ZNF148: variants seen among roughly 807,000 people sequenced by gnomAD.
ZNF148 encodes Beta-Enolase Repressor Factor-1.
Under a neutral mutation model 67.7 loss-of-function variants are expected in ZNF148, and 7 were observed. The ratio of observed to expected loss-of-function variants is 0.10; its 90% confidence interval spans 0.06 to 0.19. ZNF148 has a LOEUF of 0.19. ZNF148 is among the 10% of genes least tolerant of loss of function. The probability of loss-of-function intolerance (pLI) is 1.00; values close to 1 mark genes in which losing one functional copy is unlikely to be tolerated. For synonymous variants in ZNF148, 333 were observed against 330.7 expected, an observed-to-expected ratio of 1.01 and a Z score of -0.08; for missense variants, 583 against 947.1, an observed-to-expected ratio of 0.62 and a Z score of 5.05.
At chr3:125,310,073 A>ATTT (rs3030721) in intron 4 of ZNF148, among the ~76,000 whole-genome samples, 1 of 137,402 alleles carries the variant, frequency 7.3e-6, no homozygotes. Flanking sequence ...GGTTCAAAGA[A>ATTT]TTTTTTTTTT....
chr3:125,356,819 G>A (rs977058504), intron 1 of ZNF148, among the ~76,000 whole-genome samples: 2 of 152,134 alleles, frequency 1.3e-5, no homozygotes, highest in African/African-American at 2.4e-5. Flanking sequence ...ACAAAGTCTG[G>A]AGAGCAAAAG....
At chr3:125,250,521 T>C (rs987614756) in intron 7 of ZNF148, among the ~76,000 whole-genome samples, 3 of 152,194 alleles carry the variant, frequency 2.0e-5, no homozygotes, top group Non-Finnish European at 4.4e-5. Flanking sequence ...ATCTGTAACT[T>C]ACCTGTAAGA....
At chr3:125,341,999 C>A (rs6804933) in intron 1 of ZNF148, among the ~76,000 whole-genome samples, 110,553 of 138,702 alleles carry the variant, frequency 0.8, 43,028 homozygotes, top group African/African-American at 0.86. Flanking sequence ...TGTTTCGGGG[C>A]GGGGGGGGGA....
intron 7 of ZNF148, among the ~76,000 whole-genome samples, chr3:125,276,559 G>A (rs556335647): frequency 7.2e-5 from 11 of 151,994 alleles, no homozygotes; most frequent in Admixed American, 2.0e-4. Context: ...TCAGCCTCCC[G>A]AGTAGCTGGG....
chr3:125,240,436 A>AT (rs1326814672), intron 7 of ZNF148, among the ~76,000 whole-genome samples: 2 of 152,204 alleles, frequency 1.3e-5, no homozygotes, highest in Non-Finnish European at 2.9e-5. Context: ...TTAACAGTTT[A>AT]TTTAACTAAA....
At chr3:125,305,189 T>A (rs1454229290) in intron 4 of ZNF148, among the ~76,000 whole-genome samples, 2 of 152,142 alleles carry the variant, frequency 1.3e-5, no homozygotes, top group South Asian at 2.1e-4. Flanking sequence ...CAAATAAAAC[T>A]CAGGTGCTGC....
intron 5 of ZNF148, among the ~76,000 whole-genome samples, chr3:125,280,759 A>C (rs1460631838): frequency 5.8e-5 from 2 of 34,344 alleles, no homozygotes; most frequent in Admixed American, 2.6e-4. Flanking sequence ...TGACGAAAGC[A>C]AAAAAAAAAA....
intron 7 of ZNF148, among the ~76,000 whole-genome samples, chr3:125,251,594 T>C (rs894078565): frequency 6.6e-6 from 1 of 152,190 alleles, no homozygotes; most frequent in Non-Finnish European, 1.5e-5. Context: ...AATTATATAG[T>C]ATATATTCTT....
intron 1 of ZNF148, chr3:125,344,518 A>G: frequency 8.8e-7 from 1 of 1,136,324 alleles, no homozygotes; most frequent in African/African-American, 1.5e-5. Flanking sequence ...TGGGTTACAA[A>G]ATGTGAAGCC....
At chr3:125,241,727 T>C (rs1936373405) in intron 7 of ZNF148, among the ~76,000 whole-genome samples, 1 of 152,240 alleles carries the variant, frequency 6.6e-6, no homozygotes, top group African/African-American at 2.4e-5. Flanking sequence ...CTTGTAAATG[T>C]ATTAATTCAC....
intron 1 of ZNF148, among the ~76,000 whole-genome samples, chr3:125,370,408 A>G (rs1005181922): frequency 3.3e-5 from 5 of 152,228 alleles, no homozygotes; most frequent in African/African-American, 1.2e-4. Context: ...ACTACTTTCT[A>G]TCAGTCATTC....
chr3:125,320,665 C>T (rs895987440), intron 3 of ZNF148, among the ~76,000 whole-genome samples: 2 of 152,138 alleles, frequency 1.3e-5, no homozygotes, highest in African/African-American at 4.8e-5. Flanking sequence ...CTCACAAATT[C>T]AGTAATACCT....
At chr3:125,352,196 T>C (rs1454005522) in intron 1 of ZNF148, among the ~76,000 whole-genome samples, 1 of 148,800 alleles carries the variant, frequency 6.7e-6, no homozygotes, top group South Asian at 2.1e-4. Flanking sequence ...GGTAAACCCA[T>C]ATAATAGATT....
chr3:125,256,418 C>T (rs370084220), intron 7 of ZNF148, among the ~76,000 whole-genome samples: 2 of 148,634 alleles, frequency 1.3e-5, no homozygotes, highest in South Asian at 2.2e-4. Flanking sequence ...GGCTCATGCC[C>T]GTAATCCCAG....
At chr3:125,252,284 C>T (rs1053145335) in intron 7 of ZNF148, among the ~76,000 whole-genome samples, 2 of 149,914 alleles carry the variant, frequency 1.3e-5, no homozygotes, top group Non-Finnish European at 3.0e-5. Flanking sequence ...CTTTCTATAT[C>T]CTGTTTAGGA....
In ZNF148 at chr3:125,232,801, G is replaced by A; in HGVS notation, c.1925C>T (p.Ala642Val). 1 of 1,613,764 alleles carries A rather than the reference G, an allele frequency of 6.2e-7. No individual in the cohort carries two copies. Among genetic ancestry groups the A allele is most frequent in the East Asian group, 2.2e-5 (1 of 44,888 alleles). The change falls in exon 9 of 9, where the codon GCA (alanine) becomes GTA (valine). Residue 642 changes from alanine (A) to valine (V), a missense_variant. Physicochemically the swap from Ala to Val is moderately conservative, Grantham distance 64. This residue lies in a region of ZNF148 where 158 missense variants were observed against 208.4 expected (regional missense o/e 0.76). Coordinates refer to ENST00000360647, the MANE Select transcript of ZNF148 (RefSeq NM_021964.3). This position sits in a 1 kb window ranked among gnomAD's most constrained non-coding sequence, Gnocchi z 4.2. ...TDNQTLPNQP[A>V]FSSIDKQVYA... The stretch of plus-strand genomic sequence containing the variant: ...GACCTGCTTGTCTATGGAAGAGAAT[G>A]CTGGCTGATTTGGGAGGGTCTGGTT...
chr3:125,265,111 C>T (rs1471789222), intron 7 of ZNF148, among the ~76,000 whole-genome samples: 2 of 152,146 alleles, frequency 1.3e-5, no homozygotes, highest in Non-Finnish European at 2.9e-5. Flanking sequence ...AACAAAAATA[C>T]TTTTATTCTG....
At chr3:125,350,951 A>G (rs114523508) in intron 1 of ZNF148, among the ~76,000 whole-genome samples, 2,091 of 152,328 alleles carry the variant, frequency 0.014, 52 homozygotes, top group African/African-American at 0.045. Flanking sequence ...CAAATACTGT[A>G]TGATTCCACT....
intron 1 of ZNF148, among the ~76,000 whole-genome samples, chr3:125,336,757 A>G (rs1156566488): frequency 7.2e-6 from 1 of 139,010 alleles, no homozygotes; most frequent in Non-Finnish European, 1.5e-5. Context: ...GCTCACCACA[A>G]CCTCCACCTC....
Sources: gnomAD v4.1 joint callset for allele counts (sites outside exome capture counted in the v4.1 genomes callset) on GRCh38, gnomAD v4.1.1 for gene constraint, gnomAD v4.1.1 regional missense constraint, Gnocchi (gnomAD v3.1) non-coding constraint, MANE v1.5 for transcripts, NCBI Gene and HGNC (gene_info 2026-07-23, HGNC 2026-07-21) for gene names.